The following SEMA4F variants were observed in gnomAD, a reference collection of about 807,000 sequenced individuals.
SEMA4F encodes ssemaphorin 4F.
SEMA4F carries 51 observed loss-of-function variants against 78.4 expected under a neutral mutation model. The observed-to-expected ratio is 0.65, with a 90% CI of 0.52 to 0.82. The LOEUF (loss-of-function observed/expected upper bound fraction) is 0.82. Among genes scored for constraint, SEMA4F ranks in the 40% least tolerant of loss-of-function variants. The pLI, the probability that SEMA4F is intolerant of heterozygous loss-of-function variation, is 0.00. For synonymous variants in SEMA4F, 418 were observed against 408.7 expected, an observed-to-expected ratio of 1.02 and a Z score of -0.27; for missense variants, 938 against 1,014.4, an observed-to-expected ratio of 0.92 and a Z score of 1.02.
the SEMA4F span, among the ~76,000 whole-genome samples, chr2:74,701,215 G>A: frequency 7.2e-5 from 11 of 152,106 alleles, no homozygotes; most frequent in African/African-American, 2.4e-4. Flanking sequence ...ATCCTATTGA[G>A]GTGATCACTG....
At chr2:74,679,225 G>A in intron 12 of SEMA4F, 51 bp from the exon 13 acceptor site, 7 of 1,300,594 alleles carry the variant, frequency 5.4e-6, no homozygotes, top group South Asian at 1.2e-5. Context: ...TACTGAGGGG[G>A]GTTGAAGGGA....
rs199787292 is a variant in SEMA4F, at chr2:74,675,673, C to A, written c.1482+39C>A. 2.4e-4 allele frequency: 391 copies of A among 1,612,738 alleles called. 2 individuals are homozygous for A. The African/African-American group carries it at 4.5e-3, about 19-fold the overall frequency. The stretch of plus-strand genomic sequence containing the variant: ...TTTGGAGAGTCTATTGGGGAGACAT[C>A]TGAGTCCAGAGCCAGTTTGTGACCC... On this transcript the variant is annotated intron_variant, in intron 11 of 13. Coordinates refer to ENST00000357877, the MANE Select transcript of SEMA4F (RefSeq NM_004263.5).
the SEMA4F span, among the ~76,000 whole-genome samples, chr2:74,698,916 A>G: frequency 2.6e-5 from 4 of 152,228 alleles, no homozygotes; most frequent in South Asian, 2.1e-4. Context: ...TCAAATCTGC[A>G]TAAGCTCCAT....
chr2:74,680,304 C>T lies in SEMA4F; in HGVS notation c.*95C>T. ...ACTGGGCCTGGAAGACCATCCCAGC[C>T]TCTGAGTTCTCTTTGAGTATGAGTG... On this transcript the variant is annotated 3_prime_UTR_variant, in exon 14 of 14. Transcript: ENST00000357877. 1.5e-6 allele frequency: 2 copies of T among 1,377,752 alleles called. No individual in the cohort carries two copies. Among genetic ancestry groups the T allele is most frequent in the Non-Finnish European group, 2.0e-6 (2 of 1,015,172 alleles). 85.3% of individuals were successfully genotyped at this position (1,377,752 alleles called of 1,614,324 possible). A position where few individuals can be genotyped will look rare whatever the true frequency, so the allele number is the denominator to read the frequency against.
chr2:74,702,907 T>C, the SEMA4F span, among the ~76,000 whole-genome samples: 1 of 152,182 alleles, frequency 6.6e-6, no homozygotes, highest in Non-Finnish European at 1.5e-5. Flanking sequence ...AAAATACTCA[T>C]TGAAAAGCTG....
At chr2:74,702,093 A>G in the SEMA4F span, among the ~76,000 whole-genome samples, 1 of 152,146 alleles carries the variant, frequency 6.6e-6, no homozygotes, top group Non-Finnish European at 1.5e-5. Context: ...CATTTAACAC[A>G]ATCATCAGGA....
rs1010699250 is a variant in SEMA4F at position 74,683,493 on chromosome 2, C to T, written c.*3284C>T. 2 of 152,176 alleles carry T rather than the reference C, an allele frequency of 1.3e-5. No homozygotes were observed. The highest frequency in any genetic ancestry group is 4.8e-5 in the African/African-American group (2 of 41,414). 9.4% of individuals were successfully genotyped at this position (152,176 alleles called of 1,614,324 possible). On this transcript the variant is annotated 3_prime_UTR_variant, in exon 14 of 14. Coordinates refer to ENST00000357877, the MANE Select transcript of SEMA4F (RefSeq NM_004263.5). ...TCTTTTGAGTGATGTAGACCTATGC[C>T]CTGCTTCCATGCCACTTCCTCAGAT...
chr2:74,684,108 CCAGA>C (rs777649943), downstream of SEMA4F, among the ~76,000 whole-genome samples: 22 of 149,026 alleles, frequency 1.5e-4, no homozygotes, highest in African/African-American at 3.7e-4. Flanking sequence ...TTTTTTTTAA[CCAGA>C]CAAAGCCTAT....
At chr2:74,672,339 A>G (rs990518297) in intron 5 of SEMA4F, among the ~76,000 whole-genome samples, 2 of 152,156 alleles carry the variant, frequency 1.3e-5, no homozygotes, top group African/African-American at 4.8e-5. Flanking sequence ...CCTCTGAGAT[A>G]CTGTTCCCTC....
the SEMA4F span, among the ~76,000 whole-genome samples, chr2:74,692,821 T>G: frequency 1.3e-5 from 2 of 152,174 alleles, no homozygotes; most frequent in Non-Finnish European, 2.9e-5. Context: ...TGGCCTTAGG[T>G]CACAAACACT....
intron 5 of SEMA4F, among the ~76,000 whole-genome samples, chr2:74,671,780 A>G (rs944540125): frequency 6.6e-6 from 1 of 152,072 alleles, no homozygotes; most frequent in Non-Finnish European, 1.5e-5. Flanking sequence ...GCCTTATTCT[A>G]TCATTTGCTG....
At chr2:74,667,177 A>G (rs985431035) in intron 5 of SEMA4F, among the ~76,000 whole-genome samples, 4 of 152,254 alleles carry the variant, frequency 2.6e-5, no homozygotes, top group African/African-American at 7.2e-5. Flanking sequence ...AGATGGATGT[A>G]GCATGACTTA....
the SEMA4F span, among the ~76,000 whole-genome samples, chr2:74,708,789 A>G: frequency 5.3e-5 from 8 of 152,354 alleles, no homozygotes; most frequent in African/African-American, 1.7e-4. Flanking sequence ...ACCATTATAA[A>G]AATGCTTCAA....
At position 74,682,879 on chromosome 2, in the gene SEMA4F, T is replaced by C. The variant is rs1041451730; in HGVS notation, c.*2670T>C. The C allele has an allele frequency of 2.6e-5, 4 of 152,280 alleles. No individual in the cohort carries two copies. Among genetic ancestry groups the C allele is most frequent in the African/African-American group, 7.2e-5 (3 of 41,450 alleles). 9.4% of individuals were successfully genotyped at this position (152,280 alleles called of 1,614,324 possible). On this transcript the variant is annotated 3_prime_UTR_variant, in exon 14 of 14. Transcript: ENST00000357877. ...ACCAGACAACTAGGGATGGCCTCTT[T>C]ACCCCAAAGCCTGCTGAAATTACTC...
At position 74,682,937 on chromosome 2, in the gene SEMA4F, C is replaced by T. The variant is rs1033813743; in HGVS notation, c.*2728C>T. The stretch of plus-strand genomic sequence containing the variant: ...CCAATCCTAAGTCTGCCTACCCTGC[C>T]TCAGTCATTCCTTCCAATGGAAACC... On this transcript the variant is annotated 3_prime_UTR_variant, in exon 14 of 14. Transcript: ENST00000357877. 6.6e-6 allele frequency: 1 copy of T among 152,276 alleles called. No individual in the cohort carries two copies. Among genetic ancestry groups the T allele is most frequent in the Non-Finnish European group, 1.5e-5 (1 of 68,114 alleles). The allele number at this position is 152,276 out of a possible 1,614,324, so 9.4% of individuals were successfully genotyped here.
At chr2:74,708,247 G>A in the SEMA4F span, among the ~76,000 whole-genome samples, 33 of 152,222 alleles carry the variant, frequency 2.2e-4, 1 homozygote, top group African/African-American at 7.0e-4. Context: ...TTAACACCCA[G>A]CAAAGTACAT....
At position 74,674,520 on chromosome 2, in the gene SEMA4F, C is replaced by T; in HGVS notation, c.845C>T (p.Thr282Ile). ...VCAGDLGGRK[T>I]LQQRWTTFLK... The stretch of plus-strand genomic sequence containing the variant: ...CAGGGGGACCTCGGGGGCCGGAAGA[C>T]CCTCCAGCAGAGATGGACGACGTTT... The change falls in exon 8 of 14, where the codon ACC (threonine) becomes ATC (isoleucine). Residue 282 changes from threonine (T) to isoleucine (I), a missense_variant. Coordinates refer to ENST00000357877, the MANE Select transcript of SEMA4F (RefSeq NM_004263.5). The T allele has an allele frequency of 3.1e-6, 5 of 1,613,356 alleles. No homozygotes were observed. The highest frequency in any genetic ancestry group is 4.2e-6 in the Non-Finnish European group (5 of 1,179,696).
chr2:74,692,986 A>C, the SEMA4F span, among the ~76,000 whole-genome samples: 3 of 152,252 alleles, frequency 2.0e-5, no homozygotes, highest in African/African-American at 2.4e-5. Context: ...CTGAAAAGTA[A>C]ATAAAAATAA....
At chr2:74,707,476 C>A in the SEMA4F span, among the ~76,000 whole-genome samples, 1 of 150,062 alleles carries the variant, frequency 6.7e-6, no homozygotes, top group African/African-American at 2.5e-5. Context: ...TGTATTCTTG[C>A]AGCTTTTATG....
Sources: gnomAD v4.1 joint callset for allele counts (sites outside exome capture counted in the v4.1 genomes callset) on GRCh38, gnomAD v4.1.1 for gene constraint, MANE v1.5 for transcripts, NCBI Gene and HGNC (gene_info 2026-07-23, HGNC 2026-07-21) for gene names.